SOX5: variants seen among roughly 807,000 people sequenced by gnomAD.
SOX5 encodes transcription factor SOX-5.
Under a neutral mutation model 92.0 loss-of-function variants are expected in SOX5, and 9 were observed. The observed-to-expected ratio is 0.10, with a 90% CI of 0.06 to 0.17. The LOEUF (loss-of-function observed/expected upper bound fraction) is 0.17, where lower values mean the gene tolerates loss of function less well. Ranked by LOEUF, SOX5 falls within the 10% of genes least tolerant of loss-of-function variation. SOX5 has a pLI of 1.00. For synonymous variants in SOX5, 344 were observed against 336.3 expected (o/e 1.02, Z -0.25); for missense variants, 642 against 944.5 (o/e 0.68, Z 4.20).
chr12:24,214,569 T>A (rs577116951), intron 3 of SOX5, among the ~76,000 whole-genome samples: 1 of 152,258 alleles, frequency 6.6e-6, no homozygotes, highest in South Asian at 2.1e-4. Flanking sequence ...GTTTATGCAT[T>A]TATTAATTAT....
intron 1 of SOX5, among the ~76,000 whole-genome samples, chr12:24,472,381 A>C (rs1428272346): frequency 1.3e-5 from 2 of 152,238 alleles, no homozygotes; most frequent in African/African-American, 4.8e-5. Flanking sequence ...GATAGGCAGT[A>C]GCAGGCCTGA....
chr12:23,762,635 T>C, intron 3 of SOX5: 1 of 508,244 alleles, frequency 2.0e-6, no homozygotes, highest in Non-Finnish European at 3.5e-6. Context: ...AGTCTTTGGC[T>C]GACTCAAGTT....
At chr12:23,695,003 C>T (rs2089548057) in intron 6 of SOX5, among the ~76,000 whole-genome samples, 1 of 151,758 alleles carries the variant, frequency 6.6e-6, no homozygotes. Context: ...ACCTGTAGTC[C>T]TAGCTACTTG....
chr12:24,139,462 C>T (rs943405658), intron 4 of SOX5, among the ~76,000 whole-genome samples: 2 of 152,176 alleles, frequency 1.3e-5, no homozygotes, highest in African/African-American at 4.8e-5. Flanking sequence ...AATTAGGCAA[C>T]TGCACTTGTC....
At chr12:23,860,980 C>A (rs1361772595) in intron 2 of SOX5, among the ~76,000 whole-genome samples, 1 of 115,296 alleles carries the variant, frequency 8.7e-6, no homozygotes, top group African/African-American at 3.4e-5. Context: ...AAAAAAAAAC[C>A]CTGCCAACAT....
chr12:23,696,526 TAGAGGTTTATCG>T (rs1437021863), intron 6 of SOX5, among the ~76,000 whole-genome samples: 1 of 152,162 alleles, frequency 6.6e-6, no homozygotes, highest in Non-Finnish European at 1.5e-5. Context: ...ATTGTCTAGC[TAGAGGTTTATCG>T]ATTTTATTAA....
At chr12:24,394,895 T>C (rs1008543896) in intron 1 of SOX5, among the ~76,000 whole-genome samples, 1 of 152,226 alleles carries the variant, frequency 6.6e-6, no homozygotes, top group Non-Finnish European at 1.5e-5. Context: ...CTAACTTCTT[T>C]TATTTTTTTC....
chr12:23,785,795 A>C (rs2095367041), intron 3 of SOX5, among the ~76,000 whole-genome samples: 1 of 152,184 alleles, frequency 6.6e-6, no homozygotes, highest in South Asian at 2.1e-4. Flanking sequence ...ATGTCGAGAA[A>C]ACATAAGACT....
intron 4 of SOX5, among the ~76,000 whole-genome samples, chr12:24,074,630 C>CA (rs76320418): frequency 0.37 from 18,785 of 51,160 alleles, 3,292 homozygotes; most frequent in East Asian, 0.55. Flanking sequence ...TGTAAACTAC[C>CA]AAAAAAAAAA....
intron 1 of SOX5, among the ~76,000 whole-genome samples, chr12:24,384,319 G>A (rs1044703868): frequency 3.9e-5 from 6 of 152,190 alleles, no homozygotes; most frequent in African/African-American, 1.4e-4. Flanking sequence ...GAGCCCAGGT[G>A]GTAATGCTGG....
At chr12:23,644,493 T>A (rs866881097) in intron 7 of SOX5, among the ~76,000 whole-genome samples, 1 of 152,212 alleles carries the variant, frequency 6.6e-6, no homozygotes, top group South Asian at 2.1e-4. Context: ...AGCCCCAGAT[T>A]ATTTGTATGT....
intron 4 of SOX5, among the ~76,000 whole-genome samples, chr12:24,182,514 T>C (rs927015715): frequency 6.6e-6 from 1 of 152,082 alleles, no homozygotes; most frequent in African/African-American, 2.4e-5. Context: ...TTATCCAGAT[T>C]AGGATTTTGT....
intron 6 of SOX5, among the ~76,000 whole-genome samples, chr12:23,724,087 T>C (rs1198829753): frequency 6.6e-6 from 1 of 152,166 alleles, no homozygotes; most frequent in Non-Finnish European, 1.5e-5. Flanking sequence ...CGGAAATAAA[T>C]TACTTTTAAA....
intron 1 of SOX5, among the ~76,000 whole-genome samples, chr12:23,949,214 G>A (rs967731596): frequency 1.3e-5 from 2 of 152,090 alleles, no homozygotes; most frequent in African/African-American, 4.8e-5. Flanking sequence ...GCACAAAAGC[G>A]TTTTTAAAAG....
At position 24,381,554 on chromosome 12, in the gene SOX5, C is replaced by G. The variant is rs553602359; in HGVS notation, c.-250-12915G>C. Among the ~76,000 whole-genome samples the G allele has an allele frequency of 3.9e-4, 59 of 152,170 alleles. 1 individual carries two copies. The highest frequency in any genetic ancestry group is 1.4e-3 in the African/African-American group (56 of 41,438). On this transcript the variant is annotated intron_variant, in intron 1 of 4. Coordinates refer to the SOX5 transcript ENST00000446891. ...TTATAGCCAGTGGATGGGGTGAGAGCATGTTTTTCTAAAAAAATCTCAATT... is the reference window on the plus strand; with the variant it reads ...TTATAGCCAGTGGATGGGGTGAGAGGATGTTTTTCTAAAAAAATCTCAATT...
intron 2 of SOX5, among the ~76,000 whole-genome samples, chr12:23,856,094 A>C (rs915286373): frequency 1.3e-5 from 2 of 152,112 alleles, no homozygotes; most frequent in African/African-American, 2.4e-5. Flanking sequence ...AGACTCTTAC[A>C]AAATTTCCCA....
intron 1 of SOX5, among the ~76,000 whole-genome samples, chr12:24,456,668 A>G (rs1943055340): frequency 6.6e-6 from 1 of 152,154 alleles, no homozygotes; most frequent in South Asian, 2.1e-4. Flanking sequence ...TGATGTGTCC[A>G]TTCACCCAAG....
intron 7 of SOX5, among the ~76,000 whole-genome samples, chr12:23,646,832 T>C (rs78037594): frequency 0.029 from 4,346 of 152,298 alleles, 203 homozygotes; most frequent in African/African-American, 0.098. Flanking sequence ...GTTCTACTGC[T>C]ATTTCCACCA....
chr12:24,531,492 A>G (rs1391512442), intron 1 of SOX5, among the ~76,000 whole-genome samples: 1 of 152,234 alleles, frequency 6.6e-6, no homozygotes, highest in South Asian at 2.1e-4. Context: ...TACTATATAT[A>G]GTTATAGTAT....
Sources: allele counts gnomAD v4.1 joint callset (sites outside exome capture counted in the v4.1 genomes callset), GRCh38; gene constraint gnomAD v4.1.1; transcripts MANE v1.5; gene names NCBI Gene and HGNC (gene_info 2026-07-23, HGNC 2026-07-21).